CIB4: variants seen among roughly 807,000 people sequenced by gnomAD.
The protein encoded by CIB4 is calcium and integrin-binding family member 4.
CIB4 carries 25 observed loss-of-function variants against 25.8 expected under a neutral mutation model. The observed-to-expected ratio is 0.97, with a 90% CI of 0.71 to 1.35. The LOEUF (loss-of-function observed/expected upper bound fraction) is 1.35, where lower values mean the gene tolerates loss of function less well. Ranked by LOEUF, CIB4 falls within the 40% of genes most tolerant of loss-of-function variation. The probability of loss-of-function intolerance (pLI) is 0.00; values close to 1 mark genes in which losing one functional copy is unlikely to be tolerated. For synonymous variants in CIB4, 75 were observed against 81.4 expected, an observed-to-expected ratio of 0.92 and a Z score of 0.42; for missense variants, 235 against 228.2, an observed-to-expected ratio of 1.03 and a Z score of -0.19.
At chr2:26,602,021 G>C (rs1668801772) in intron 3 of CIB4, among the ~76,000 whole-genome samples, 1 of 152,190 alleles carries the variant, frequency 6.6e-6, no homozygotes, top group South Asian at 2.1e-4. Flanking sequence ...GGGGGTGATG[G>C]AACTGTTCTC....
chr2:26,641,260 C>T lies in CIB4; in HGVS notation c.54+1G>A, dbSNP rs1402174175. On this transcript the variant is annotated splice_donor_variant, in intron 1 of 6. Coordinates refer to ENST00000288861, the MANE Select transcript of CIB4 (RefSeq NM_001029881.3). LOFTEE classifies it high-confidence loss of function. ...CAGAGTCCCTAGCCCGATCTACCCA[C>T]CTGGTACTCTTCCAGGTCCTCCCAG... 6.2e-7 allele frequency: 1 copy of T among 1,612,838 alleles called. No individual in the cohort carries two copies. The highest frequency in any genetic ancestry group is 8.5e-7 in the Non-Finnish European group (1 of 1,178,948).
intron 3 of CIB4, among the ~76,000 whole-genome samples, chr2:26,609,904 CAGTT>C (rs1668964941): frequency 6.6e-6 from 1 of 152,332 alleles, no homozygotes; most frequent in East Asian, 1.9e-4. Flanking sequence ...ACTTTACAGG[CAGTT>C]AGTTCAAAGC....
chr2:26,609,116 C>T (rs1275759223), intron 3 of CIB4, among the ~76,000 whole-genome samples: 3 of 152,202 alleles, frequency 2.0e-5, no homozygotes, highest in Non-Finnish European at 4.4e-5. Context: ...CTGGTTTTAT[C>T]GAATTACGAC....
At chr2:26,616,287 G>A (rs1267044011) in intron 3 of CIB4, among the ~76,000 whole-genome samples, 2 of 152,216 alleles carry the variant, frequency 1.3e-5, no homozygotes, top group African/African-American at 4.8e-5. Context: ...GGCCGTGCCT[G>A]CAGCCCTGGG....
At chr2:26,637,508 G>A (rs1019577584) in intron 2 of CIB4, among the ~76,000 whole-genome samples, 2 of 151,596 alleles carry the variant, frequency 1.3e-5, no homozygotes, top group Non-Finnish European at 1.5e-5. Context: ...TATTCTCCAC[G>A]TAACTGGAAG....
At chr2:26,639,830 T>G (rs1669602208) in intron 2 of CIB4, among the ~76,000 whole-genome samples, 1 of 151,986 alleles carries the variant, frequency 6.6e-6, no homozygotes, top group Non-Finnish European at 1.5e-5. Flanking sequence ...TCCCCCACCT[T>G]CCCCTGAAAG....
chr2:26,591,278 G>C (rs1223632560), intron 4 of CIB4, among the ~76,000 whole-genome samples: 1 of 152,228 alleles, frequency 6.6e-6, no homozygotes, highest in Non-Finnish European at 1.5e-5. Context: ...CACTGGCTGG[G>C]TGAGAAAACA....
At chr2:26,623,871 C>T (rs868465650) in intron 3 of CIB4, among the ~76,000 whole-genome samples, 15 of 152,318 alleles carry the variant, frequency 9.8e-5, no homozygotes, top group South Asian at 2.1e-4. Context: ...AAACTAGAAA[C>T]CCAAGTCACA....
rs193159467 is a variant in CIB4 at position 26,608,986 on chromosome 2, T to A, written c.187-13669A>T. The stretch of plus-strand genomic sequence containing the variant: ...CTTCCCTCTTCTAATTTCTGCCAGA[T>A]TTTTTTAGGAAATGTTTCTATTGAC... On this transcript the variant is annotated intron_variant, in intron 3 of 6. Transcript: ENST00000288861. 2.2e-3 allele frequency among the ~76,000 whole-genome samples: 342 copies of A among 152,288 alleles called. 2 individuals are homozygous for A. The highest frequency in any genetic ancestry group is 7.6e-3 in the African/African-American group (314 of 41,554).
chr2:26,589,425 G>A (rs962295385), intron 4 of CIB4, among the ~76,000 whole-genome samples: 4 of 152,032 alleles, frequency 2.6e-5, no homozygotes, highest in African/African-American at 9.7e-5. Context: ...AAGTTCAAGT[G>A]ATTCTCTTGC....
intron 2 of CIB4, among the ~76,000 whole-genome samples, chr2:26,631,405 T>C (rs1035870297): frequency 2.0e-5 from 3 of 152,092 alleles, no homozygotes; most frequent in East Asian, 3.9e-4. Context: ...TCCCAGGAGG[T>C]TGAGGCTGCA....
intron 3 of CIB4, among the ~76,000 whole-genome samples, chr2:26,607,944 G>T (rs1668922819): frequency 6.6e-6 from 1 of 152,252 alleles, no homozygotes; most frequent in Non-Finnish European, 1.5e-5. Context: ...GGACTCAAAG[G>T]AGAGCAGCTC....
intron 2 of CIB4, 83 bp from the exon 3 acceptor site, chr2:26,629,589 G>C: frequency 3.4e-6 from 3 of 895,172 alleles, no homozygotes; most frequent in South Asian, 2.8e-5. Context: ...CAGCAAGCCT[G>C]TCTCCTGCTG....
chr2:26,612,039 A>G (rs142524897), intron 3 of CIB4, among the ~76,000 whole-genome samples: 1 of 152,384 alleles, frequency 6.6e-6, no homozygotes, highest in East Asian at 1.9e-4. Flanking sequence ...CAATAAATAA[A>G]AAGCAAATTA....
chr2:26,606,939 G>A (rs1216064937), intron 3 of CIB4, among the ~76,000 whole-genome samples: 1 of 152,202 alleles, frequency 6.6e-6, no homozygotes, highest in African/African-American at 2.4e-5. Flanking sequence ...AAGAAAGGCA[G>A]TAAAAATGTT....
rs571211462 is a variant in CIB4, at chr2:26,583,170, C to T, written c.439-257G>A. On this transcript the variant is annotated intron_variant, in intron 5 of 6. Transcript: ENST00000288861. ...AGAGAACAAGAGTGTCCCCCACCTGCCCCACCAACCAGTACACACAGGGGC... is the reference window on the plus strand; with the variant it reads ...AGAGAACAAGAGTGTCCCCCACCTGTCCCACCAACCAGTACACACAGGGGC... 5.9e-5 allele frequency among the ~76,000 whole-genome samples: 9 copies of T among 152,294 alleles called. No homozygotes were observed. The South Asian group carries it at 1.9e-3, about 32-fold the overall frequency.
chr2:26,602,978 C>T (rs1668821259), intron 3 of CIB4, among the ~76,000 whole-genome samples: 1 of 149,554 alleles, frequency 6.7e-6, no homozygotes, highest in Non-Finnish European at 1.5e-5. Flanking sequence ...TCACTTGAGC[C>T]CAGAAGTCCA....
At chr2:26,593,063 G>T (rs1184777984) in intron 4 of CIB4, among the ~76,000 whole-genome samples, 1 of 152,104 alleles carries the variant, frequency 6.6e-6, no homozygotes, top group Non-Finnish European at 1.5e-5. Context: ...ATCCATGGAG[G>T]GTCCAACGAA....
At chr2:26,622,340 G>A (rs535240434) in intron 3 of CIB4, among the ~76,000 whole-genome samples, 3 of 152,044 alleles carry the variant, frequency 2.0e-5, no homozygotes, top group African/African-American at 4.8e-5. Flanking sequence ...CAGCCTGGGC[G>A]ACAAAGCAAG....
Sources: gnomAD v4.1 joint callset for allele counts (sites outside exome capture counted in the v4.1 genomes callset) on GRCh38, gnomAD v4.1.1 for gene constraint, MANE v1.5 for transcripts, NCBI Gene and HGNC (gene_info 2026-07-23, HGNC 2026-07-21) for gene names.